Variants in SRBD1 observed in about 807,000 individuals in gnomAD.
SRBD1 encodes the protein S1 RNA-binding domain-containing protein 1.
In SRBD1, 88 loss-of-function variants were observed where a neutral mutation model predicts 115.3. The observed-to-expected ratio is 0.76, with a 90% CI of 0.64 to 0.91. The LOEUF (loss-of-function observed/expected upper bound fraction) is 0.91, where lower values mean the gene tolerates loss of function less well. Ranked by LOEUF, SRBD1 falls within the 40% of genes least tolerant of loss-of-function variation. The pLI is 0.00. For missense variants in SRBD1, 1,385 were observed against 1,177.4 expected (o/e 1.18, Z -2.58); for synonymous variants, 509 against 407.7 (o/e 1.25, Z -2.99).
intron 16 of SRBD1, among the ~76,000 whole-genome samples, chr2:45,426,183 C>A (rs1487437971): frequency 4.6e-5 from 7 of 152,178 alleles, no homozygotes; most frequent in Admixed American, 2.6e-4. Flanking sequence ...CCCATCATTA[C>A]TGAGGCTTGA....
At chr2:45,414,052 C>A (rs769268506) in intron 18 of SRBD1, among the ~76,000 whole-genome samples, 3 of 152,150 alleles carry the variant, frequency 2.0e-5, no homozygotes, top group Non-Finnish European at 2.9e-5. Flanking sequence ...TAAAACATTA[C>A]TTTAAAAGGA....
In SRBD1 at chr2:45,426,796, G is replaced by C. The variant is rs574295851; in HGVS notation, c.2050-6902C>G. 5.9e-5 allele frequency among the ~76,000 whole-genome samples: 9 copies of C among 152,278 alleles called. No individual in the cohort carries two copies. In the South Asian group the frequency reaches 1.9e-3, roughly 32 times the overall value. ...GAAAACTAACAAACAGAAAGGAATA[G>C]CATCAACATCAACAAAAAGGACGTC... On this transcript the variant is annotated intron_variant, in intron 16 of 20. Transcript: ENST00000263736.
chr2:45,540,387 A>G (rs972438359), intron 14 of SRBD1, among the ~76,000 whole-genome samples: 1 of 152,056 alleles, frequency 6.6e-6, no homozygotes, highest in Non-Finnish European at 1.5e-5. Context: ...ATTCTCCAAA[A>G]ATTAAATTAC....
chr2:45,602,260 A>G (rs1674118919), intron 2 of SRBD1, among the ~76,000 whole-genome samples, 177 bp from the exon 3 acceptor site: 1 of 152,216 alleles, frequency 6.6e-6, no homozygotes, highest in Admixed American at 6.5e-5. Context: ...AGAGTTGATG[A>G]CGGACCAGTA....
At chr2:45,561,360 G>A (rs917696896) in intron 10 of SRBD1, among the ~76,000 whole-genome samples, 11 of 152,138 alleles carry the variant, frequency 7.2e-5, no homozygotes, top group African/African-American at 2.7e-4. Context: ...TTAGACTGTT[G>A]TTTTACTTAA....
chr2:45,434,919 G>A (rs1171268288), intron 16 of SRBD1, among the ~76,000 whole-genome samples: 3 of 148,582 alleles, frequency 2.0e-5, no homozygotes, highest in Non-Finnish European at 3.0e-5. Flanking sequence ...ATCCCTCCCC[G>A]CTCCCCCCAC....
chr2:45,522,559 T>C (rs1243858575), intron 14 of SRBD1, among the ~76,000 whole-genome samples: 1 of 152,178 alleles, frequency 6.6e-6, no homozygotes, highest in Non-Finnish European at 1.5e-5. Context: ...AACTGTTAAG[T>C]ATATAATGCA....
intron 20 of SRBD1, among the ~76,000 whole-genome samples, chr2:45,392,593 G>C (rs1246546267): frequency 1.3e-5 from 2 of 152,140 alleles, no homozygotes; most frequent in Non-Finnish European, 2.9e-5. Flanking sequence ...CTTGTGAAGG[G>C]ACTGCTTTAC....
At chr2:45,403,408 T>C (rs1482813891) in intron 19 of SRBD1, among the ~76,000 whole-genome samples, 1 of 152,180 alleles carries the variant, frequency 6.6e-6, no homozygotes, top group Admixed American at 6.5e-5. Context: ...CCTGAGTAGT[T>C]CCCTTCCTCA....
At chr2:45,604,898 G>T (rs1024475869) in intron 2 of SRBD1, among the ~76,000 whole-genome samples, 2 of 152,076 alleles carry the variant, frequency 1.3e-5, no homozygotes, top group African/African-American at 4.8e-5. Context: ...TCTCAACTGG[G>T]GATATCTAGC....
chr2:45,607,364 C>T (rs914946471), intron 1 of SRBD1, among the ~76,000 whole-genome samples: 3 of 152,052 alleles, frequency 2.0e-5, no homozygotes, highest in Non-Finnish European at 4.4e-5. Context: ...AGTTTAATTC[C>T]TACCTCCACA....
At chr2:45,446,394 C>G (rs1304374674) in intron 16 of SRBD1, among the ~76,000 whole-genome samples, 2 of 152,058 alleles carry the variant, frequency 1.3e-5, no homozygotes, top group East Asian at 1.9e-4. Flanking sequence ...ACCATGTATA[C>G]TGAGGTAGGA....
intron 16 of SRBD1, among the ~76,000 whole-genome samples, chr2:45,421,510 CAAAAAAAAAAAAA>C (rs869298079): frequency 1.8e-4 from 4 of 22,302 alleles, no homozygotes; most frequent in East Asian, 1.6e-3. Flanking sequence ...CCGTCTCAAA[CAAAAAAAAAAAAA>C]AAAAAAAAAA....
At chr2:45,497,353 C>A (rs1455441422) in intron 14 of SRBD1, among the ~76,000 whole-genome samples, 3 of 152,200 alleles carry the variant, frequency 2.0e-5, no homozygotes, top group Non-Finnish European at 4.4e-5. Context: ...GTCCTTAATT[C>A]AAACCCTTCC....
chr2:45,508,596 A>C (rs1670867472), intron 14 of SRBD1, among the ~76,000 whole-genome samples: 2 of 152,174 alleles, frequency 1.3e-5, no homozygotes, highest in South Asian at 4.1e-4. Flanking sequence ...AGTATATCAC[A>C]CACATGGAGT....
At chr2:45,569,362 T>C (rs945748649) in intron 9 of SRBD1, 1 of 152,150 alleles carries the variant, frequency 6.6e-6, no homozygotes, top group Non-Finnish European at 1.5e-5. Context: ...GGTCACCATA[T>C]TGATACTAAA....
chr2:45,546,511 AAG>A (rs1672123928), intron 14 of SRBD1, among the ~76,000 whole-genome samples: 1 of 152,194 alleles, frequency 6.6e-6, no homozygotes, highest in Admixed American at 6.5e-5. Flanking sequence ...CTGCTTCTGT[AAG>A]AGGTTTCTGG....
At position 45,601,964 on chromosome 2, in the gene SRBD1, A is replaced by C; in HGVS notation, c.200T>G (p.Val67Gly). Residue 67 changes from valine to glycine, a missense_variant, in exon 3 of 21, where the codon GTG becomes GGG. Val to Gly is a moderately radical substitution (Grantham distance 109). Transcript: ENST00000263736. ...KESKPKRMPRVKKNAPQISDG... is the reference protein window; with the variant it reads ...KESKPKRMPRGKKNAPQISDG... ...ACTGATCTGTGGGGCATTCTTCTTCACCCGAGGCATCCTCTTTGGTTTGGA... is the reference window on the plus strand; with the variant it reads ...ACTGATCTGTGGGGCATTCTTCTTCCCCCGAGGCATCCTCTTTGGTTTGGA... 6.2e-7 allele frequency: 1 copy of C among 1,614,172 alleles called. No homozygotes were observed. Among genetic ancestry groups the C allele is most frequent in the Non-Finnish European group, 8.5e-7 (1 of 1,180,032 alleles).
intron 10 of SRBD1, among the ~76,000 whole-genome samples, chr2:45,558,366 G>A (rs1298988686): frequency 3.3e-5 from 5 of 152,130 alleles, no homozygotes; most frequent in Non-Finnish European, 7.4e-5. Flanking sequence ...GAGAGCAAAT[G>A]CAGAAACTTA....
Sources: allele counts gnomAD v4.1 joint callset (sites outside exome capture counted in the v4.1 genomes callset), GRCh38; gene constraint gnomAD v4.1.1; transcripts MANE v1.5; gene names NCBI Gene and HGNC (gene_info 2026-07-23, HGNC 2026-07-21).